The following KIAA1217 variants were observed in gnomAD, a reference collection of about 807,000 sequenced individuals.
KIAA1217 encodes the protein KIAA1217, also known as sickle tail protein homolog.
A neutral mutation model predicts 163.9 loss-of-function variants in KIAA1217; 88 were observed. The observed-to-expected ratio is 0.54, with a 90% confidence interval of 0.45 to 0.64. The LOEUF (loss-of-function observed/expected upper bound fraction) is 0.64. Ranked by LOEUF, KIAA1217 falls within the 30% of genes least tolerant of loss-of-function variation. KIAA1217 has a pLI of 0.00. For synonymous variants in KIAA1217, 903 were observed against 923.1 expected, an observed-to-expected ratio of 0.98 and a Z score of 0.39; for missense variants, 2,372 against 2,475.0, an observed-to-expected ratio of 0.96 and a Z score of 0.88.
chr10:24,104,748 A>G (rs1185835568), intron 2 of KIAA1217, among the ~76,000 whole-genome samples: 1 of 152,204 alleles, frequency 6.6e-6, no homozygotes, highest in Non-Finnish European at 1.5e-5. Flanking sequence ...GGCTGTGCAC[A>G]TGTAGGGACA....
intron 1 of KIAA1217, among the ~76,000 whole-genome samples, chr10:23,696,739 G>A (rs372985675): frequency 2.0e-4 from 31 of 152,272 alleles, no homozygotes; most frequent in African/African-American, 7.5e-4. Context: ...ACTCACACTC[G>A]CAGCCCATTA....
At chr10:24,423,966 T>TA (rs957750571) in intron 3 of KIAA1217, among the ~76,000 whole-genome samples, 3 of 152,050 alleles carry the variant, frequency 2.0e-5, no homozygotes, top group African/African-American at 7.2e-5. Context: ...CTAAGTGAAA[T>TA]AAAAAAATAA....
intron 2 of KIAA1217, among the ~76,000 whole-genome samples, chr10:24,033,933 C>T (rs1316115616): frequency 6.6e-6 from 1 of 152,118 alleles, no homozygotes; most frequent in East Asian, 1.9e-4. Context: ...CTGTTTGGCT[C>T]CTTACAGAAA....
chr10:23,825,736 G>A (rs78234183), intron 1 of KIAA1217, among the ~76,000 whole-genome samples: 2,043 of 152,192 alleles, frequency 0.013, 48 homozygotes, highest in African/African-American at 0.046. Context: ...TATTCAATTC[G>A]CCACAGATGA....
intron 2 of KIAA1217, among the ~76,000 whole-genome samples, chr10:24,176,158 T>G (rs914056969): frequency 1.9e-4 from 29 of 152,218 alleles, no homozygotes; most frequent in African/African-American, 7.0e-4. Context: ...TTGGTGCTTT[T>G]ACAATCTCTG....
At chr10:24,528,532 T>C (rs115348051) in intron 14 of KIAA1217, among the ~76,000 whole-genome samples, 62 of 152,034 alleles carry the variant, frequency 4.1e-4, no homozygotes, top group Non-Finnish European at 7.6e-4. Context: ...TCTTCCTCTG[T>C]TGCCTTGGCT....
chr10:24,152,478 A>G (rs1352241644), intron 2 of KIAA1217, among the ~76,000 whole-genome samples: 1 of 152,172 alleles, frequency 6.6e-6, no homozygotes, highest in East Asian at 1.9e-4. Context: ...ATGAATTACA[A>G]AATATTCTTA....
chr10:23,700,350 T>C (rs1013485129), intron 1 of KIAA1217, among the ~76,000 whole-genome samples: 3 of 152,188 alleles, frequency 2.0e-5, no homozygotes, highest in African/African-American at 7.2e-5. Flanking sequence ...CCTGAATTAT[T>C]GCAGTGACTT....
chr10:23,753,644 G>C (rs1395429939), intron 1 of KIAA1217, among the ~76,000 whole-genome samples: 2 of 152,140 alleles, frequency 1.3e-5, no homozygotes, highest in Non-Finnish European at 2.9e-5. Context: ...CAGACTTCTA[G>C]TTTCTATTGA....
At chr10:23,909,380 ATAAAT>A (rs888992453) in intron 1 of KIAA1217, among the ~76,000 whole-genome samples, 5 of 152,010 alleles carry the variant, frequency 3.3e-5, no homozygotes, top group Admixed American at 1.3e-4. Context: ...AATAATAAAA[ATAAAT>A]TAAAAAAAGA....
chr10:23,797,633 G>A (rs1048433044), intron 1 of KIAA1217, among the ~76,000 whole-genome samples: 2 of 152,104 alleles, frequency 1.3e-5, no homozygotes, highest in Non-Finnish European at 2.9e-5. Context: ...CGTTTTCACA[G>A]GGCAACAGGA....
At chr10:23,840,345 G>A (rs1028336699) in intron 1 of KIAA1217, among the ~76,000 whole-genome samples, 5 of 151,918 alleles carry the variant, frequency 3.3e-5, no homozygotes, top group African/African-American at 9.7e-5. Flanking sequence ...TAGTAGAGAT[G>A]GGGTTTCACC....
At chr10:24,347,678 G>A (rs1455755079) in intron 2 of KIAA1217, among the ~76,000 whole-genome samples, 1 of 152,046 alleles carries the variant, frequency 6.6e-6, no homozygotes, top group Non-Finnish European at 1.5e-5. Flanking sequence ...AAAAAAGGGA[G>A]TACTAATTAA....
intron 1 of KIAA1217, among the ~76,000 whole-genome samples, chr10:23,828,164 G>A (rs1837993262): frequency 1.3e-5 from 2 of 152,192 alleles, no homozygotes; most frequent in Admixed American, 1.3e-4. Flanking sequence ...CCCTTGTTTA[G>A]TTCGGAGCTA....
intron 2 of KIAA1217, among the ~76,000 whole-genome samples, chr10:24,071,780 A>G (rs2061195137): frequency 6.6e-6 from 1 of 152,254 alleles, no homozygotes; most frequent in East Asian, 1.9e-4. Context: ...ATTATTGCCC[A>G]TCATTAGAAA....
chr10:24,346,315 C>G (rs542943973), intron 2 of KIAA1217, among the ~76,000 whole-genome samples: 30 of 151,820 alleles, frequency 2.0e-4, no homozygotes, highest in African/African-American at 7.0e-4. Flanking sequence ...AAACAAAATA[C>G]AAAAATATTT....
In KIAA1217 at chr10:24,447,327, T is replaced by C. The variant is rs141383180; in HGVS notation, c.846+8848T>C. Among the ~76,000 whole-genome samples, 4 of 152,240 alleles carry C rather than the reference T, an allele frequency of 2.6e-5. No individual in the cohort carries two copies. In the East Asian group the frequency reaches 7.7e-4, roughly 29 times the overall value. On this transcript the variant is annotated intron_variant, in intron 5 of 20. Transcript: ENST00000376454. ...TATGTATACATGTGCCATGTTGGTG[T>C]GCTGCACCCATTAACTCGTCATTAC... is the stretch of plus-strand genomic sequence containing the variant.
At chr10:24,320,791 C>A (rs997759498) in intron 2 of KIAA1217, among the ~76,000 whole-genome samples, 1 of 152,160 alleles carries the variant, frequency 6.6e-6, no homozygotes, top group African/African-American at 2.4e-5. Context: ...TACTTGTAAT[C>A]CCAGCACTTT....
chr10:24,382,546 T>C (rs1415110496), intron 3 of KIAA1217, among the ~76,000 whole-genome samples: 1 of 152,140 alleles, frequency 6.6e-6, no homozygotes, highest in African/African-American at 2.4e-5. Flanking sequence ...TGATCTTAGG[T>C]TAGTAATCTA....
Sources: allele counts gnomAD v4.1 joint callset (sites outside exome capture counted in the v4.1 genomes callset), GRCh38; gene constraint gnomAD v4.1.1; transcripts MANE v1.5; gene names NCBI Gene and HGNC (gene_info 2026-07-23, HGNC 2026-07-21).